NPAS3: variants seen among roughly 807,000 people sequenced by gnomAD.
NPAS3 encodes the protein neuronal PAS domain protein 3, also known as neuronal PAS domain-containing protein 3.
In NPAS3, 14 loss-of-function variants were observed where a neutral mutation model predicts 73.1. That is an observed-to-expected ratio of 0.19 (90% CI 0.13 to 0.30). The LOEUF (loss-of-function observed/expected upper bound fraction) is 0.30. NPAS3 is among the 10% of genes least tolerant of loss of function. The probability of loss-of-function intolerance (pLI) is 1.00; values close to 1 mark genes in which losing one functional copy is unlikely to be tolerated. For missense variants in NPAS3, 1,096 were observed against 1,250.0 expected (o/e 0.88, Z 1.86); for synonymous variants, 620 against 541.5 (o/e 1.14, Z -2.01).
intron 6 of NPAS3, among the ~76,000 whole-genome samples, chr14:33,683,853 C>T (rs883350): frequency 0.085 from 13,000 of 152,218 alleles, 983 homozygotes; most frequent in East Asian, 0.31. Context: ...TTACCCAGGC[C>T]ACTGTGATAA....
At chr14:33,642,835 G>A (rs574732549) in intron 5 of NPAS3, among the ~76,000 whole-genome samples, 1 of 152,260 alleles carries the variant, frequency 6.6e-6, no homozygotes, top group South Asian at 2.1e-4. Context: ...GGGATGGATG[G>A]AGAAAATGAA....
At chr14:33,141,151 T>C (rs758253584) in intron 2 of NPAS3, among the ~76,000 whole-genome samples, 3 of 152,212 alleles carry the variant, frequency 2.0e-5, no homozygotes, top group Non-Finnish European at 4.4e-5. Flanking sequence ...GTCAAGAATT[T>C]GACATGCCAA....
At chr14:33,413,248 C>T (rs1566880325) in intron 4 of NPAS3, among the ~76,000 whole-genome samples, 1 of 146,072 alleles carries the variant, frequency 6.8e-6, no homozygotes, top group African/African-American at 2.5e-5. Context: ...TTTTGTTCCT[C>T]TTTTTTTTTT....
intron 3 of NPAS3, among the ~76,000 whole-genome samples, chr14:33,223,420 C>T (rs1490015162): frequency 6.6e-6 from 1 of 152,188 alleles, no homozygotes; most frequent in Non-Finnish European, 1.5e-5. Context: ...AGTCAGTCCT[C>T]TAAGTCCTTT....
chr14:33,173,147 T>C (rs2045460101), intron 2 of NPAS3, among the ~76,000 whole-genome samples: 1 of 152,204 alleles, frequency 6.6e-6, no homozygotes, highest in African/African-American at 2.4e-5. Flanking sequence ...ATTTCAAATA[T>C]CTTTGGACTT....
At chr14:33,677,780 G>A (rs1016550666) in intron 6 of NPAS3, among the ~76,000 whole-genome samples, 3 of 152,274 alleles carry the variant, frequency 2.0e-5, no homozygotes, top group East Asian at 1.9e-4. Context: ...GAATATTTAA[G>A]ATTATTCTTT....
intron 4 of NPAS3, among the ~76,000 whole-genome samples, chr14:33,372,502 C>T (rs761905143): frequency 1.6e-4 from 25 of 152,066 alleles, no homozygotes; most frequent in Admixed American, 5.9e-4. Flanking sequence ...TTTCAATACC[C>T]GTGTTTGTAG....
intron 3 of NPAS3, among the ~76,000 whole-genome samples, chr14:33,217,773 ATTCCCTCATTTTATGAGGGATAG>A (rs1308860392): frequency 6.6e-6 from 1 of 152,188 alleles, no homozygotes; most frequent in Non-Finnish European, 1.5e-5. Context: ...ACATGTCATT[ATTCCCTCATTTTATGAGGGATAG>A]TTAGATGAGG....
intron 5 of NPAS3, among the ~76,000 whole-genome samples, chr14:33,586,675 T>C (rs1197752608): frequency 2.0e-5 from 3 of 152,236 alleles, no homozygotes; most frequent in Non-Finnish European, 4.4e-5. Context: ...CTTTTGTTAA[T>C]TTAGCAGTTG....
intron 2 of NPAS3, among the ~76,000 whole-genome samples, chr14:33,104,691 G>A (rs1210032967): frequency 6.6e-6 from 1 of 152,162 alleles, no homozygotes; most frequent in Admixed American, 6.5e-5. Context: ...GCAGTGCATA[G>A]CCGTAAGCCA....
intron 4 of NPAS3, among the ~76,000 whole-genome samples, chr14:33,470,026 C>T (rs932558335): frequency 6.6e-6 from 1 of 152,120 alleles, no homozygotes; most frequent in African/African-American, 2.4e-5. Flanking sequence ...ATTGACCCTG[C>T]CTATCAGCTG....
chr14:33,712,195 G>T (rs1431352939), intron 6 of NPAS3, among the ~76,000 whole-genome samples: 2 of 152,136 alleles, frequency 1.3e-5, no homozygotes, highest in African/African-American at 2.4e-5. Context: ...GGACCTGGTG[G>T]TTTTGCAACC....
chr14:33,319,910 C>T (rs919965795), intron 3 of NPAS3, among the ~76,000 whole-genome samples: 22 of 152,074 alleles, frequency 1.4e-4, no homozygotes, highest in Non-Finnish European at 1.2e-4. Context: ...GTTCATGGCA[C>T]GTGGTAGGTA....
At chr14:32,957,532 C>T (rs979289488) in intron 1 of NPAS3, among the ~76,000 whole-genome samples, 36 of 152,022 alleles carry the variant, frequency 2.4e-4, no homozygotes, top group African/African-American at 6.5e-4. Context: ...CCACCACGCC[C>T]GGCTAATTTT....
intron 4 of NPAS3, among the ~76,000 whole-genome samples, chr14:33,452,989 CT>C (rs1407422371): frequency 6.6e-6 from 1 of 152,012 alleles, no homozygotes; most frequent in Non-Finnish European, 1.5e-5. Context: ...CCGAGAATGG[CT>C]TTTTCCCTTG....
intron 4 of NPAS3, among the ~76,000 whole-genome samples, chr14:33,424,529 A>T (rs1438129505): frequency 6.6e-6 from 1 of 152,006 alleles, no homozygotes; most frequent in Non-Finnish European, 1.5e-5. Flanking sequence ...ATGCATGATG[A>T]TCCCCATGAG....
Position 33,107,416 on chromosome 14 carries a change from C to T in NPAS3, c.140+51422C>T, listed in dbSNP as rs796670263. The stretch of plus-strand genomic sequence containing the variant: ...AACCCTTACCCTCTTCCTGTCTCCC[C>T]TGTCTAGTAGTTCCCAGTGTCTGTT... On this transcript the variant is annotated intron_variant, in intron 2 of 11. Coordinates refer to ENST00000356141, the Ensembl canonical transcript of NPAS3. Among the ~76,000 whole-genome samples the T allele has an allele frequency of 4.6e-4, 70 of 151,674 alleles. 1 individual carries two copies. Among genetic ancestry groups the T allele is most frequent in the African/African-American group, 1.6e-3 (68 of 41,330 alleles).
intron 5 of NPAS3, among the ~76,000 whole-genome samples, chr14:33,584,519 G>GT (rs2056792371): frequency 6.6e-6 from 1 of 152,084 alleles, no homozygotes; most frequent in Non-Finnish European, 1.5e-5. Context: ...AAGAAGTCAA[G>GT]GTGTGGGCAG....
chr14:33,203,298 G>A (rs1408754949), intron 2 of NPAS3, among the ~76,000 whole-genome samples: 2 of 152,028 alleles, frequency 1.3e-5, no homozygotes, highest in Non-Finnish European at 2.9e-5. Context: ...GAGGCTAGTA[G>A]GACCATGTCT....
Sources: allele counts gnomAD v4.1 joint callset (sites outside exome capture counted in the v4.1 genomes callset), GRCh38; gene constraint gnomAD v4.1.1; transcripts MANE v1.5; gene names NCBI Gene and HGNC (gene_info 2026-07-23, HGNC 2026-07-21).